The following AKAP14 variants were observed in gnomAD, a reference collection of about 807,000 sequenced individuals.
AKAP14 encodes the protein A-kinase anchoring protein 14, also known as A-kinase anchor protein 14.
AKAP14 carries 4 observed loss-of-function variants against 17.0 expected under a neutral mutation model. The observed-to-expected ratio is 0.23, with a 90% CI of 0.12 to 0.54. The LOEUF (loss-of-function observed/expected upper bound fraction) is 0.54. Among genes scored for constraint, AKAP14 ranks in the 20% least tolerant of loss-of-function variants. The pLI is 0.95. For synonymous variants in AKAP14, 42 were observed against 51.3 expected, an observed-to-expected ratio of 0.82 and a Z score of 0.77; for missense variants, 129 against 150.9, an observed-to-expected ratio of 0.85 and a Z score of 0.76.
intron 2 of AKAP14, among the ~76,000 whole-genome samples, chrX:119,901,780 C>A (rs747146818): frequency 9.3e-6 from 1 of 106,977 alleles, no homozygotes; most frequent in Non-Finnish European, 1.9e-5. Flanking sequence ...GAGGCCGAGG[C>A]GGGTGGATCA....
chrX:119,916,228 G>A (rs1222018973), intron 5 of AKAP14, among the ~76,000 whole-genome samples: 1 of 109,535 alleles, frequency 9.1e-6, no homozygotes, highest in Non-Finnish European at 1.9e-5. Flanking sequence ...TTGGGGCAGA[G>A]TGGTACAATC....
At chrX:119,912,442 C>T (rs2056632589) in intron 4 of AKAP14, among the ~76,000 whole-genome samples, 1 of 109,203 alleles carries the variant, frequency 9.2e-6, no homozygotes, top group Admixed American at 1.0e-4. Context: ...AGATTTGAGA[C>T]ACATTTCAGG....
At chrX:119,902,240 T>C (rs943998661) in intron 2 of AKAP14, among the ~76,000 whole-genome samples, 16 of 108,165 alleles carry the variant, frequency 1.5e-4, no homozygotes, top group Admixed American at 7.0e-4. Context: ...CATGCCCAGC[T>C]AATTTTTGTA....
chrX:119,908,101 C>T (rs1163763181), intron 4 of AKAP14, among the ~76,000 whole-genome samples: 3 of 110,330 alleles, frequency 2.7e-5, no homozygotes, highest in African/African-American at 9.9e-5. Context: ...GCCTGGTCAA[C>T]ATGGTGAAAC....
rs748839581 is a variant in AKAP14 at position 119,896,874 on chromosome X, G to A, written c.-11+607G>A. Reference sequence around the variant, plus strand: ...CGCCTAGGCTGGAGTGCAGCAGCGCGATCAAGGCTCACTGCAACCTCCGCC... The same window carrying A: ...CGCCTAGGCTGGAGTGCAGCAGCGCAATCAAGGCTCACTGCAACCTCCGCC... On this transcript the variant is annotated intron_variant, in intron 2 of 6. Transcript: ENST00000371431. Among the ~76,000 whole-genome samples, 13 of 96,763 alleles carry A rather than the reference G, an allele frequency of 1.3e-4. No individual in the cohort carries two copies. The South Asian group carries it at 6.7e-3, about 50-fold the overall frequency. 84.0% of individuals were successfully genotyped at this position (96,763 alleles called of 115,157 possible). A position where few individuals can be genotyped will look rare whatever the true frequency, so the allele number is the denominator to read the frequency against.
At chrX:119,912,162 C>T in intron 4 of AKAP14, among the ~76,000 whole-genome samples, 1 of 111,105 alleles carries the variant, frequency 9.0e-6, no homozygotes, top group Middle Eastern at 4.6e-3. Context: ...AACTCCTGAC[C>T]TTAAGTGATC....
chrX:119,912,534 C>CTT lies in AKAP14; in HGVS notation c.262-2152_262-2151dup, dbSNP rs34639679. Reference sequence around the variant, plus strand: ...GGAAAGAAGAACTGAATGAATGCTACTTTTTTTTTTTTTTGAGATGGAATT... The same window carrying CTT: ...GGAAAGAAGAACTGAATGAATGCTACTTTTTTTTTTTTTTTTGAGATGGAATT... On this transcript the variant is annotated intron_variant, in intron 4 of 6. Coordinates refer to ENST00000371431, the MANE Select transcript of AKAP14 (RefSeq NM_178813.6). Among the ~76,000 whole-genome samples, 196 of 99,672 alleles carry CTT rather than the reference C, an allele frequency of 2.0e-3. 2 individuals are homozygous for CTT. In the South Asian group the frequency reaches 0.03, roughly 15 times the overall value. 86.6% of individuals were successfully genotyped at this position (99,672 alleles called of 115,157 possible).
chrX:119,909,166 T>G (rs1186831853), intron 4 of AKAP14, among the ~76,000 whole-genome samples: 1 of 111,283 alleles, frequency 9.0e-6, no homozygotes, highest in East Asian at 2.8e-4. Flanking sequence ...GAAAAGTATA[T>G]TGAGTAATAT....
chrX:119,906,379 C>T (rs2056597965), intron 4 of AKAP14, among the ~76,000 whole-genome samples: 1 of 107,952 alleles, frequency 9.3e-6, no homozygotes, highest in Non-Finnish European at 1.9e-5. Flanking sequence ...GGACTACAGG[C>T]GTGTGCCACC....
chrX:119,897,861 G>A (rs1440075044), intron 2 of AKAP14, among the ~76,000 whole-genome samples: 1 of 111,780 alleles, frequency 8.9e-6, no homozygotes, highest in Non-Finnish European at 1.9e-5. Context: ...GGCAGGACAC[G>A]GTGGCTCATG....
intron 2 of AKAP14, among the ~76,000 whole-genome samples, chrX:119,898,950 G>A (rs907223761): frequency 2.2e-4 from 23 of 106,340 alleles, no homozygotes; most frequent in Admixed American, 1.2e-3. Context: ...GGGTGGATCA[G>A]GAGGTCAGGA....
chrX:119,896,805 C>CTTTTTTTTTTTTTTTTTTTTTTTTTTT (rs765107118), intron 2 of AKAP14, among the ~76,000 whole-genome samples: 1 of 70,770 alleles, frequency 1.4e-5, no homozygotes. Flanking sequence ...CTTTTCTTTT[C>CTTTTTTTTTTTTTTTTTTTTTTTTTTT]TTTTTTTCTT....
intron 4 of AKAP14, among the ~76,000 whole-genome samples, chrX:119,908,856 A>G (rs7055917): frequency 0.087 from 9,663 of 111,581 alleles, 472 homozygotes; most frequent in African/African-American, 0.2. Context: ...GAAAATAGTT[A>G]AATTTAATGT....
chrX:119,898,851 T>C (rs940837256), intron 2 of AKAP14, among the ~76,000 whole-genome samples: 1 of 90,151 alleles, frequency 1.1e-5, no homozygotes, highest in Non-Finnish European at 2.2e-5. Context: ...AGAGAGAGAG[T>C]GGGTCACTGG....
intron 4 of AKAP14, among the ~76,000 whole-genome samples, chrX:119,911,986 A>C (rs1370054439): frequency 1.9e-5 from 2 of 106,670 alleles, no homozygotes; most frequent in Non-Finnish European, 3.9e-5. Context: ...GCTGAAGTGC[A>C]ATGGCGCGAT....
At position 119,900,577 on chromosome X, in the gene AKAP14, G is replaced by T. The variant is rs184014945; in HGVS notation, c.-10-2637G>T. Among the ~76,000 whole-genome samples, 424 of 111,829 alleles carry T rather than the reference G, an allele frequency of 3.8e-3. 3 individuals are homozygous for T. Among genetic ancestry groups the T allele is most frequent in the African/African-American group, 0.013 (404 of 30,810 alleles). The stretch of plus-strand genomic sequence containing the variant: ...AGACAGGGTCTCGCTCTGTCACCCA[G>T]ACTGGAGTACAGTGGTGAGATCACG... On this transcript the variant is annotated intron_variant, in intron 2 of 6. Coordinates refer to ENST00000371431, the MANE Select transcript of AKAP14 (RefSeq NM_178813.6).
At chrX:119,912,542 T>G (rs1351084058) in intron 4 of AKAP14, among the ~76,000 whole-genome samples, 2 of 109,943 alleles carry the variant, frequency 1.8e-5, no homozygotes, top group African/African-American at 6.6e-5. Flanking sequence ...TACTTTTTTT[T>G]TTTTTTGAGA....
At chrX:119,900,027 C>T (rs772077204) in intron 2 of AKAP14, among the ~76,000 whole-genome samples, 1 of 111,278 alleles carries the variant, frequency 9.0e-6, no homozygotes, top group East Asian at 2.8e-4. Flanking sequence ...CTCCCGGGTT[C>T]AAGCAATTCT....
At chrX:119,907,580 C>T (rs1426588266) in intron 4 of AKAP14, among the ~76,000 whole-genome samples, 3 of 111,205 alleles carry the variant, frequency 2.7e-5, no homozygotes, top group Non-Finnish European at 3.8e-5. Flanking sequence ...GCCTCAGCCT[C>T]CTGAGTAGCT....
Sources: allele counts gnomAD v4.1 joint callset (sites outside exome capture counted in the v4.1 genomes callset), GRCh38; gene constraint gnomAD v4.1.1; transcripts MANE v1.5; gene names NCBI Gene and HGNC (gene_info 2026-07-23, HGNC 2026-07-21).